Variants in PDE3A observed in about 807,000 individuals in gnomAD.
The protein encoded by PDE3A is cGMP-inhibited 3',5'-cyclic phosphodiesterase 3A.
Under a neutral mutation model 98.3 loss-of-function variants are expected in PDE3A, and 43 were observed. The ratio of observed to expected loss-of-function variants is 0.44; its 90% CI spans 0.34 to 0.56. PDE3A has a LOEUF of 0.56. PDE3A is among the 20% of genes least tolerant of loss of function. PDE3A has a pLI of 0.01. For missense variants in PDE3A, 1,427 were observed against 1,440.7 expected, an observed-to-expected ratio of 0.99 and a Z score of 0.15; for synonymous variants, 663 against 567.9, an observed-to-expected ratio of 1.17 and a Z score of -2.38.
intron 1 of PDE3A, among the ~76,000 whole-genome samples, chr12:20,527,837 C>T (rs919541083): frequency 3.3e-5 from 5 of 151,392 alleles, no homozygotes; most frequent in Non-Finnish European, 7.4e-5. Flanking sequence ...TGTTATTTTA[C>T]TGTTTAAACC....
At chr12:20,575,135 T>A (rs1942899890) in intron 2 of PDE3A, among the ~76,000 whole-genome samples, 1 of 152,074 alleles carries the variant, frequency 6.6e-6, no homozygotes, top group African/African-American at 2.4e-5. Context: ...CCACAAAGTA[T>A]TCCTTAGGAA....
intron 1 of PDE3A, among the ~76,000 whole-genome samples, chr12:20,435,505 CAAAG>C (rs1452252517): frequency 6.6e-6 from 1 of 151,720 alleles, no homozygotes. Flanking sequence ...GTAACAATGT[CAAAG>C]AAAATTTGTC....
chr12:20,463,266 A>G (rs1945284608), intron 1 of PDE3A, among the ~76,000 whole-genome samples: 3 of 152,218 alleles, frequency 2.0e-5, no homozygotes, highest in Non-Finnish European at 1.5e-5. Flanking sequence ...GCAATAGAGT[A>G]GTTGTCAGAA....
intron 15 of PDE3A, among the ~76,000 whole-genome samples, chr12:20,672,354 G>A (rs1380874595): frequency 8.4e-6 from 1 of 119,016 alleles, no homozygotes; most frequent in Non-Finnish European, 1.8e-5. Context: ...CTACTTTAAA[G>A]TTCATATGGA....
At chr12:20,560,835 GT>G (rs1486559041) in intron 2 of PDE3A, among the ~76,000 whole-genome samples, 3 of 152,044 alleles carry the variant, frequency 2.0e-5, no homozygotes, top group Non-Finnish European at 4.4e-5. Context: ...ACTTCTTTAT[GT>G]GTTTTCCTCG....
intron 1 of PDE3A, among the ~76,000 whole-genome samples, chr12:20,525,478 G>GA (rs1946501379): frequency 7.0e-6 from 1 of 141,992 alleles, no homozygotes; most frequent in East Asian, 2.2e-4. Context: ...GGGGGGGGGG[G>GA]CTTTTGACAT....
intron 1 of PDE3A, among the ~76,000 whole-genome samples, chr12:20,529,666 G>C (rs1219592727): frequency 6.6e-6 from 1 of 152,120 alleles, no homozygotes; most frequent in Admixed American, 6.5e-5. Context: ...CAGAAGCCAG[G>C]GAGAGGCAAG....
intron 1 of PDE3A, among the ~76,000 whole-genome samples, chr12:20,466,338 C>T (rs1945339701): frequency 1.3e-5 from 2 of 152,088 alleles, no homozygotes; most frequent in South Asian, 4.1e-4. Context: ...TATTATGAAG[C>T]ATATAAACAA....
At chr12:20,537,515 T>A (rs981848006) in intron 1 of PDE3A, among the ~76,000 whole-genome samples, 1 of 152,128 alleles carries the variant, frequency 6.6e-6, no homozygotes, top group African/African-American at 2.4e-5. Context: ...ATTATTAGTT[T>A]TTTAATTACA....
Position 20,385,899 on chromosome 12 carries a change from T to G in PDE3A, c.960+15655T>G, listed in dbSNP as rs1943748959. Among the ~76,000 whole-genome samples, 3 of 143,660 alleles carry G rather than the reference T, an allele frequency of 2.1e-5. No individual in the cohort carries two copies. The South Asian group carries it at 6.3e-4, about 30-fold the overall frequency. The allele number at this position is 143,660 out of a possible 152,430, so 94.2% of individuals were successfully genotyped here. On this transcript the variant is annotated intron_variant, in intron 1 of 15. Transcript: ENST00000359062. ...CACATGTATACATATGGAACAAAGCTGCACGTTGTGTACAAGTACCCTAGA... is the reference window on the plus strand; with the variant it reads ...CACATGTATACATATGGAACAAAGCGGCACGTTGTGTACAAGTACCCTAGA...
chr12:20,420,510 C>T (rs1944494576), intron 1 of PDE3A, among the ~76,000 whole-genome samples: 1 of 152,128 alleles, frequency 6.6e-6, no homozygotes. Flanking sequence ...AGTAGCAGGA[C>T]TCTTGGCCAA....
At chr12:20,439,652 A>AT (rs1944835899) in intron 1 of PDE3A, among the ~76,000 whole-genome samples, 1 of 152,176 alleles carries the variant, frequency 6.6e-6, no homozygotes, top group Non-Finnish European at 1.5e-5. Flanking sequence ...TTATTTTAAA[A>AT]TGCATATTTC....
intron 1 of PDE3A, among the ~76,000 whole-genome samples, chr12:20,400,903 G>A (rs536399655): frequency 6.6e-6 from 1 of 152,036 alleles, no homozygotes; most frequent in African/African-American, 2.4e-5. Flanking sequence ...AGATATCACA[G>A]ATTCTCTTAA....
At chr12:20,545,862 T>C (rs887105835) in intron 1 of PDE3A, among the ~76,000 whole-genome samples, 1 of 151,972 alleles carries the variant, frequency 6.6e-6, no homozygotes, top group African/African-American at 2.4e-5. Context: ...TGGATATTTA[T>C]ATGGCTTTTT....
intron 1 of PDE3A, among the ~76,000 whole-genome samples, chr12:20,377,023 G>A (rs1825541901): frequency 6.6e-6 from 1 of 151,304 alleles, no homozygotes; most frequent in African/African-American, 2.4e-5. Flanking sequence ...TTCCTCCTGA[G>A]AAGATGACTG....
At chr12:20,419,510 G>A (rs1014351357) in intron 1 of PDE3A, among the ~76,000 whole-genome samples, 3 of 151,676 alleles carry the variant, frequency 2.0e-5, no homozygotes, top group Admixed American at 6.6e-5. Context: ...GTCTCTAAAA[G>A]ACGCTGTGTT....
intron 1 of PDE3A, among the ~76,000 whole-genome samples, chr12:20,516,492 G>T (rs1767133953): frequency 6.6e-6 from 1 of 152,110 alleles, no homozygotes; most frequent in Admixed American, 6.6e-5. Context: ...GTCATTACCT[G>T]GCATGTAGAA....
chr12:20,669,060 C>T (rs1323947635), intron 15 of PDE3A, among the ~76,000 whole-genome samples: 1 of 151,276 alleles, frequency 6.6e-6, no homozygotes, highest in Non-Finnish European at 1.5e-5. Flanking sequence ...ATGCAGAAGC[C>T]TCAGGAGCCG....
Position 20,552,190 on chromosome 12 carries a change from G to C in PDE3A, c.961-4470G>C. Reference sequence around the variant, plus strand: ...CTTTGCTCCCATCAATGACCAAGAAGGGGCCGAGGCCAAGGACTGGCGGTC... The same window carrying C: ...CTTTGCTCCCATCAATGACCAAGAACGGGCCGAGGCCAAGGACTGGCGGTC... On this transcript the variant is annotated intron_variant, in intron 1 of 15. Transcript: ENST00000359062. The surrounding 1 kb of genome is among the most constrained non-coding windows in gnomAD (Gnocchi z 5.1). 9 of 1,613,926 alleles carry C rather than the reference G, an allele frequency of 5.6e-6. No homozygotes were observed. Among genetic ancestry groups the C allele is most frequent in the Non-Finnish European group, 7.6e-6 (9 of 1,179,900 alleles).
Sources: gnomAD v4.1 joint callset for allele counts (sites outside exome capture counted in the v4.1 genomes callset) on GRCh38, gnomAD v4.1.1 for gene constraint, Gnocchi (gnomAD v3.1) non-coding constraint, MANE v1.5 for transcripts, NCBI Gene and HGNC (gene_info 2026-07-23, HGNC 2026-07-21) for gene names.